Variants in KLF12 observed in about 807,000 individuals in gnomAD.
The protein encoded by KLF12 is KLF transcription factor 12, also known as Krueppel-like factor 12.
Under a neutral mutation model 37.8 loss-of-function variants are expected in KLF12, and 9 were observed. That is an observed-to-expected ratio of 0.24 (90% CI 0.14 to 0.42). The LOEUF (loss-of-function observed/expected upper bound fraction) is 0.42. Among genes scored for constraint, KLF12 ranks in the 10% least tolerant of loss-of-function variants. KLF12 has a pLI of 1.00. For synonymous variants in KLF12, 208 were observed against 202.1 expected, an observed-to-expected ratio of 1.03 and a Z score of -0.25; for missense variants, 411 against 516.0, an observed-to-expected ratio of 0.80 and a Z score of 1.97.
At chr13:73,983,129 C>T (rs1387151009) in intron 2 of KLF12, among the ~76,000 whole-genome samples, 1 of 152,146 alleles carries the variant, frequency 6.6e-6, no homozygotes, top group Non-Finnish European at 1.5e-5. Flanking sequence ...TGTCTACCAT[C>T]ACTCCTCTCA....
chr13:74,286,055 A>T, the KLF12 span, among the ~76,000 whole-genome samples: 5 of 152,190 alleles, frequency 3.3e-5, no homozygotes, highest in African/African-American at 1.2e-4. Context: ...CACTACTCTT[A>T]GCTCACTCTT....
At chr13:73,705,094 T>C (rs1467239061) in intron 7 of KLF12, among the ~76,000 whole-genome samples, 3 of 152,242 alleles carry the variant, frequency 2.0e-5, no homozygotes, top group Admixed American at 2.0e-4. Flanking sequence ...CTTACAGTTC[T>C]AGTCTGCAAA....
At chr13:73,989,169 C>T (rs1192953086) in intron 2 of KLF12, among the ~76,000 whole-genome samples, 3 of 152,088 alleles carry the variant, frequency 2.0e-5, no homozygotes, top group East Asian at 1.9e-4. Context: ...AAGGGCAAAG[C>T]AAATAAAAAA....
chr13:74,252,617 T>C, the KLF12 span, among the ~76,000 whole-genome samples: 1 of 152,236 alleles, frequency 6.6e-6, no homozygotes, highest in Non-Finnish European at 1.5e-5. Context: ...CATTACTTTC[T>C]ATAGGCATTG....
At chr13:74,286,356 A>G in the KLF12 span, among the ~76,000 whole-genome samples, 1 of 152,218 alleles carries the variant, frequency 6.6e-6, no homozygotes, top group Non-Finnish European at 1.5e-5. Flanking sequence ...TGGAGAAATT[A>G]TAGAAGAAAA....
At chr13:73,886,238 T>C (rs1451193328) in intron 3 of KLF12, among the ~76,000 whole-genome samples, 1 of 152,172 alleles carries the variant, frequency 6.6e-6, no homozygotes, top group African/African-American at 2.4e-5. Context: ...GACTATATAG[T>C]TAAATAGAAG....
chr13:74,086,674 TA>T (rs1357423140), intron 1 of KLF12, among the ~76,000 whole-genome samples: 2 of 152,148 alleles, frequency 1.3e-5, no homozygotes, highest in African/African-American at 4.8e-5. Context: ...TCATGGAGGT[TA>T]GGGGTACTGA....
At chr13:73,754,003 G>C (rs756553928) in intron 6 of KLF12, among the ~76,000 whole-genome samples, 1 of 152,160 alleles carries the variant, frequency 6.6e-6, no homozygotes, top group Non-Finnish European at 1.5e-5. Context: ...CCACTCAGGA[G>C]AGGAGAGAGA....
At chr13:73,823,370 C>T (rs1883645501) in intron 4 of KLF12, among the ~76,000 whole-genome samples, 1 of 151,818 alleles carries the variant, frequency 6.6e-6, no homozygotes, top group African/African-American at 2.4e-5. Context: ...TGATTTACCA[C>T]AGAAGGGTTC....
At chr13:74,134,363 C>T (rs908329798), upstream of KLF12, among the ~76,000 whole-genome samples, 3 of 151,780 alleles carry the variant, frequency 2.0e-5, no homozygotes, top group Non-Finnish European at 4.4e-5. Flanking sequence ...ATGGGGCCCC[C>T]GAGCCGCTCC....
At chr13:74,015,834 A>G (rs546654113) in intron 1 of KLF12, among the ~76,000 whole-genome samples, 2 of 152,252 alleles carry the variant, frequency 1.3e-5, no homozygotes, top group South Asian at 4.1e-4. Context: ...TCTTGCCCCT[A>G]ATCATCAAAG....
intron 2 of KLF12, among the ~76,000 whole-genome samples, chr13:73,949,729 A>G (rs1890575190): frequency 6.6e-6 from 1 of 152,214 alleles, no homozygotes; most frequent in African/African-American, 2.4e-5. Flanking sequence ...ACATATCCTC[A>G]TGCTGATAAC....
intron 4 of KLF12, among the ~76,000 whole-genome samples, chr13:73,830,778 A>C (rs1307369627): frequency 6.6e-6 from 1 of 152,148 alleles, no homozygotes; most frequent in African/African-American, 2.4e-5. Flanking sequence ...AAAGAGCTCT[A>C]GGCAGGGGCC....
At chr13:73,995,717 A>C (rs7988097) in intron 1 of KLF12, among the ~76,000 whole-genome samples, 11,296 of 152,272 alleles carry the variant, frequency 0.074, 635 homozygotes, top group African/African-American at 0.16. Context: ...CCATTAGGAT[A>C]TCACCAAATC....
the KLF12 span, among the ~76,000 whole-genome samples, chr13:74,285,198 C>G: frequency 2.0e-5 from 3 of 151,300 alleles, no homozygotes; most frequent in East Asian, 3.9e-4. Context: ...TTTTTTTACA[C>G]CATGGAGAAT....
chr13:74,177,320 T>C, the KLF12 span, among the ~76,000 whole-genome samples: 1 of 152,092 alleles, frequency 6.6e-6, no homozygotes, highest in Admixed American at 6.6e-5. Context: ...ATTCAGAAGG[T>C]GTGAAAGTGT....
Position 73,833,472 on chromosome 13 carries a change from T to C in KLF12, c.670+12355A>G, listed in dbSNP as rs572408459. Among the ~76,000 whole-genome samples the C allele has an allele frequency of 5.8e-4, 89 of 152,288 alleles. 1 individual carries two copies. The highest frequency in any genetic ancestry group is 6.8e-3 in the Middle Eastern group (2 of 294). On this transcript the variant is annotated intron_variant, in intron 4 of 7. Transcript: ENST00000377669. ...AACACCAGGCGACTACAGATTGACA[T>C]ACCACAGCAACAGCTTGGGGGATGG... is the stretch of plus-strand genomic sequence containing the variant.
the KLF12 span, among the ~76,000 whole-genome samples, chr13:74,272,346 T>G: frequency 1.3e-5 from 2 of 152,200 alleles, no homozygotes; most frequent in African/African-American, 4.8e-5. Context: ...GTCACTTTCT[T>G]GGACTGTCAT....
At chr13:74,240,231 G>A in the KLF12 span, among the ~76,000 whole-genome samples, 3 of 148,736 alleles carry the variant, frequency 2.0e-5, no homozygotes, top group Non-Finnish European at 4.4e-5. Flanking sequence ...ATGAAGTTCT[G>A]GGTTGAAAAT....
Sources: gnomAD v4.1 joint callset for allele counts (sites outside exome capture counted in the v4.1 genomes callset) on GRCh38, gnomAD v4.1.1 for gene constraint, MANE v1.5 for transcripts, NCBI Gene and HGNC (gene_info 2026-07-23, HGNC 2026-07-21) for gene names.